TSNARE1: variants seen among roughly 807,000 people sequenced by gnomAD.
TSNARE1 encodes the protein t-SNARE domain-containing protein 1.
A neutral mutation model predicts 62.0 loss-of-function variants in TSNARE1; 49 were observed. The observed-to-expected ratio is 0.79, with a 90% CI of 0.63 to 1.00. The LOEUF (loss-of-function observed/expected upper bound fraction) is 1.00, where lower values mean the gene tolerates loss of function less well. Ranked by LOEUF, TSNARE1 falls within the 50% of genes least tolerant of loss-of-function variation. The pLI is 0.00. For missense variants in TSNARE1, 755 were observed against 700.1 expected (o/e 1.08, Z -0.88); for synonymous variants, 328 against 294.4 (o/e 1.11, Z -1.17).
intron 1 of TSNARE1, chr8:142,366,142 C>T (rs7388487): frequency 0.43 from 106,248 of 245,122 alleles, 26,939 homozygotes; most frequent in African/African-American, 0.77. Flanking sequence ...GTTCATGCCA[C>T]TCTCCAGCCT....
At chr8:142,237,945 A>G (rs1044703297) in intron 12 of TSNARE1, among the ~76,000 whole-genome samples, 1 of 151,632 alleles carries the variant, frequency 6.6e-6, no homozygotes, top group Non-Finnish European at 1.5e-5. Flanking sequence ...GATCTCCTGT[A>G]CCTCCCGTTT....
At chr8:142,370,774 T>A (rs182631070) in intron 1 of TSNARE1, among the ~76,000 whole-genome samples, 231 of 152,152 alleles carry the variant, frequency 1.5e-3, no homozygotes, top group African/African-American at 5.3e-3. Context: ...TACAGCTGAC[T>A]TTCCTTCAGA....
chr8:142,313,117 CGT>C (rs1483196037), intron 9 of TSNARE1, among the ~76,000 whole-genome samples: 17 of 147,550 alleles, frequency 1.2e-4, no homozygotes, highest in African/African-American at 3.5e-4. Flanking sequence ...ACTGTTTATC[CGT>C]GTGTCTGCAT....
intron 13 of TSNARE1, among the ~76,000 whole-genome samples, chr8:142,221,945 TCACTCATC>T (rs1816273818): frequency 1.3e-5 from 2 of 150,472 alleles, no homozygotes; most frequent in Non-Finnish European, 1.5e-5. Flanking sequence ...ATTCACTCAC[TCACTCATC>T]CACTCACTCA....
At chr8:142,321,488 A>G (rs1365234602) in intron 6 of TSNARE1, among the ~76,000 whole-genome samples, 2 of 152,238 alleles carry the variant, frequency 1.3e-5, no homozygotes, top group Non-Finnish European at 2.9e-5. Context: ...AAGTTCAATA[A>G]TTAATAAAAT....
At chr8:142,305,770 G>A (rs866398780) in intron 9 of TSNARE1, among the ~76,000 whole-genome samples, 2 of 152,228 alleles carry the variant, frequency 1.3e-5, no homozygotes, top group Admixed American at 1.3e-4. Flanking sequence ...ACGGCCCTGT[G>A]ATAGTTTTCC....
chr8:142,349,632 C>A (rs1327373025), intron 2 of TSNARE1, among the ~76,000 whole-genome samples: 3 of 152,152 alleles, frequency 2.0e-5, no homozygotes, highest in Non-Finnish European at 4.4e-5. Context: ...TAAAAGAAGA[C>A]AGAGAAGGTA....
chr8:142,314,499 G>C, intron 8 of TSNARE1, 59 bp from the exon 9 acceptor site: 1 of 1,495,270 alleles, frequency 6.7e-7, no homozygotes, highest in Non-Finnish European at 9.3e-7. Context: ...GGGGAAGGGA[G>C]AAGAAATGGT....
chr8:142,273,340 C>A, intron 12 of TSNARE1: 1 of 985,418 alleles, frequency 1.0e-6, no homozygotes. Flanking sequence ...CGTGGTGTGG[C>A]CCTGAGTTTC....
At chr8:142,228,945 G>C (rs1207524262) in intron 13 of TSNARE1, among the ~76,000 whole-genome samples, 1 of 152,116 alleles carries the variant, frequency 6.6e-6, no homozygotes, top group African/African-American at 2.4e-5. Context: ...ACAGATTGTG[G>C]ATGGATGGAT....
chr8:142,337,281 A>T (rs1031817717), intron 4 of TSNARE1, among the ~76,000 whole-genome samples: 1 of 152,374 alleles, frequency 6.6e-6, no homozygotes, highest in South Asian at 2.1e-4. Flanking sequence ...AATTGGGCAT[A>T]TCTTTAAAAG....
intron 13 of TSNARE1, among the ~76,000 whole-genome samples, chr8:142,215,301 G>A (rs1282297820): frequency 6.6e-6 from 1 of 152,178 alleles, no homozygotes; most frequent in Non-Finnish European, 1.5e-5. Flanking sequence ...GGGTGGGGGC[G>A]CCCCAAGGAT....
chr8:142,271,648 CAG>C lies in TSNARE1; in HGVS notation c.1446+3131_1446+3132del, dbSNP rs1282248284. ...GCAGGCTGGGCCCTTCCAGGGACCT[CAG>C]GGGCAGCCACAAGCAGCTGGGGGTC... On this transcript the variant is annotated intron_variant, in intron 12 of 13. Transcript: ENST00000524325. The C allele has an allele frequency of 1.1e-5, 15 of 1,402,298 alleles. No individual in the cohort carries two copies. The African/African-American group carries it at 2.1e-4, about 20-fold the overall frequency. 86.9% of individuals were successfully genotyped at this position (1,402,298 alleles called of 1,614,324 possible). A position where few individuals can be genotyped will look rare whatever the true frequency, so the allele number is the denominator to read the frequency against.
intron 6 of TSNARE1, among the ~76,000 whole-genome samples, chr8:142,325,357 G>A (rs1830046553): frequency 6.6e-6 from 1 of 152,236 alleles, no homozygotes; most frequent in Admixed American, 6.5e-5. Context: ...GAACTGATGT[G>A]ATCAGATCCA....
intron 2 of TSNARE1, among the ~76,000 whole-genome samples, chr8:142,346,280 G>A (rs111639941): frequency 1.3e-5 from 2 of 152,192 alleles, no homozygotes; most frequent in African/African-American, 4.8e-5. Context: ...CGACCTCCAC[G>A]CTCAGAATCA....
At chr8:142,233,403 C>A (rs1817222740) in intron 12 of TSNARE1, among the ~76,000 whole-genome samples, 1 of 152,150 alleles carries the variant, frequency 6.6e-6, no homozygotes, top group South Asian at 2.1e-4. Flanking sequence ...TGGCCTCATC[C>A]ACATCAAGCC....
chr8:142,379,373 T>C lies in TSNARE1; in HGVS notation c.-40+23731A>G, dbSNP rs555943374. The stretch of plus-strand genomic sequence containing the variant: ...CAGCTCTGCACTCGTGCTGCGCTCA[T>C]GTCTGGGGCCAGCCAGCAGGGGGAT... On this transcript the variant is annotated intron_variant, in intron 1 of 13. Transcript: ENST00000524325. 3.6e-4 allele frequency among the ~76,000 whole-genome samples: 55 copies of C among 152,254 alleles called. No homozygotes were observed. In the South Asian group the frequency reaches 5.6e-3, roughly 16 times the overall value.
intron 12 of TSNARE1, chr8:142,273,380 G>C: frequency 6.1e-6 from 6 of 985,370 alleles, no homozygotes; most frequent in Non-Finnish European, 7.2e-6. Flanking sequence ...GTCACCAGGC[G>C]TCACCTTCTG....
At position 142,271,818 on chromosome 8, in the gene TSNARE1, G is replaced by C. The variant is rs967770725; in HGVS notation, c.1446+2963C>G. 3 of 575,066 alleles carry C rather than the reference G, an allele frequency of 5.2e-6. No homozygotes were observed. In the African/African-American group the frequency reaches 5.9e-5, roughly 11 times the overall value. The allele number at this position is 575,066 out of a possible 1,614,324, so 35.6% of individuals were successfully genotyped here. On this transcript the variant is annotated intron_variant, in intron 12 of 13. Transcript: ENST00000524325. ...CCTGGAGCTGTATGGGTCTCACGAT[G>C]CTCCGTCTGCAGTGGGAGTTGCACC...
Sources: gnomAD v4.1 joint callset for allele counts (sites outside exome capture counted in the v4.1 genomes callset) on GRCh38, gnomAD v4.1.1 for gene constraint, MANE v1.5 for transcripts, NCBI Gene and HGNC (gene_info 2026-07-23, HGNC 2026-07-21) for gene names.